ZDHHC17: variants seen among roughly 807,000 people sequenced by gnomAD.
ZDHHC17 encodes zDHHC palmitoyltransferase 17.
Under a neutral mutation model 90.3 loss-of-function variants are expected in ZDHHC17, and 40 were observed. That is an observed-to-expected ratio of 0.44 (90% confidence interval 0.34 to 0.58). The LOEUF is 0.58. Ranked by LOEUF, ZDHHC17 falls within the 20% of genes least tolerant of loss-of-function variation. The pLI is 0.01. For missense variants in ZDHHC17, 614 were observed against 780.8 expected, an observed-to-expected ratio of 0.79 and a Z score of 2.55; for synonymous variants, 235 against 252.4, an observed-to-expected ratio of 0.93 and a Z score of 0.65.
Position 76,780,955 on chromosome 12 carries a change from G to A in ZDHHC17, c.94-16479G>A, listed in dbSNP as rs183183513. Among the ~76,000 whole-genome samples the A allele has an allele frequency of 6.2e-3, 938 of 150,968 alleles. 8 individuals carry two copies. The highest frequency in any genetic ancestry group is 6.7e-3 in the Non-Finnish European group (457 of 67,752). Reference sequence around the variant, plus strand: ...ATCCTGGCTAACACAGTGAAACACCGTCTCTACTAAAAATACAAAAAAAAA... The same window carrying A: ...ATCCTGGCTAACACAGTGAAACACCATCTCTACTAAAAATACAAAAAAAAA... On this transcript the variant is annotated intron_variant, in intron 1 of 16. Transcript: ENST00000426126.
intron 7 of ZDHHC17, among the ~76,000 whole-genome samples, chr12:76,819,885 C>T (rs759478729): frequency 6.6e-6 from 1 of 150,882 alleles, no homozygotes; most frequent in Non-Finnish European, 1.5e-5. Context: ...CCCAGCTACT[C>T]GGGAGGCTGA....
At chr12:76,814,864 G>A (rs1953065277) in intron 5 of ZDHHC17, among the ~76,000 whole-genome samples, 1 of 151,918 alleles carries the variant, frequency 6.6e-6, no homozygotes, top group Non-Finnish European at 1.5e-5. Flanking sequence ...ATCCTTTGTG[G>A]TTGAAAGGTC....
chr12:76,793,028 A>T (rs1266834563), intron 1 of ZDHHC17, among the ~76,000 whole-genome samples: 1 of 152,230 alleles, frequency 6.6e-6, no homozygotes, highest in Non-Finnish European at 1.5e-5. Flanking sequence ...TGGCTGATCA[A>T]GTAATTGCTT....
chr12:76,851,980 A>T lies in ZDHHC17; in HGVS notation c.*995A>T, dbSNP rs1953572845. The T allele has an allele frequency of 6.6e-6, 1 of 152,614 alleles. No homozygotes were observed. 9.5% of individuals were successfully genotyped at this position (152,614 alleles called of 1,614,324 possible). ...ATGGAGCATGATCTAAGTACATAGC[A>T]CATGTGAATAAAAGAAAAGCTGACA... On this transcript the variant is annotated 3_prime_UTR_variant, in exon 17 of 17. Coordinates refer to ENST00000426126, the MANE Select transcript of ZDHHC17 (RefSeq NM_015336.4).
At chr12:76,774,264 GTGTGTATGTGTA>G (rs139357745) in intron 1 of ZDHHC17, among the ~76,000 whole-genome samples, 3 of 149,668 alleles carry the variant, frequency 2.0e-5, no homozygotes, top group African/African-American at 7.4e-5. Context: ...TAAAGAATGT[GTGTGTATGTGTA>G]TGTGTATGTG....
intron 1 of ZDHHC17, among the ~76,000 whole-genome samples, chr12:76,781,867 A>G (rs998973950): frequency 2.0e-5 from 3 of 152,212 alleles, no homozygotes; most frequent in African/African-American, 7.2e-5. Context: ...CAAAAACATA[A>G]TGTTAACTGA....
chr12:76,846,698 C>T lies in ZDHHC17; in HGVS notation c.1507+19C>T, dbSNP rs373740484. On this transcript the variant is annotated intron_variant, in intron 14 of 16. Transcript: ENST00000426126. Reference sequence around the variant, plus strand: ...ATATCTTGTGAGTACAATTAGTTTTCGGTCTTTTTAAAACAAATTTCTGCA... The same window carrying T: ...ATATCTTGTGAGTACAATTAGTTTTTGGTCTTTTTAAAACAAATTTCTGCA... 9.8e-5 allele frequency: 154 copies of T among 1,579,024 alleles called. 1 individual carries two copies. Among genetic ancestry groups the T allele is most frequent in the Non-Finnish European group, 1.2e-4 (138 of 1,157,488 alleles).
At chr12:76,828,619 T>G (rs1953260078) in intron 10 of ZDHHC17, 129 bp downstream of exon 10, 1 of 723,992 alleles carries the variant, frequency 1.4e-6, no homozygotes, top group Admixed American at 3.0e-5. Context: ...CTAGAAAATT[T>G]AGTAAACTAA....
At chr12:76,807,736 T>C (rs1435401033) in intron 3 of ZDHHC17, among the ~76,000 whole-genome samples, 1 of 152,170 alleles carries the variant, frequency 6.6e-6, no homozygotes, top group Non-Finnish European at 1.5e-5. Context: ...AATTCTGCCA[T>C]ATGTCAGTAA....
At position 76,815,850 on chromosome 12, in the gene ZDHHC17, T is replaced by A; in HGVS notation, c.609-7T>A. The A allele has an allele frequency of 6.8e-7, 1 of 1,468,242 alleles. No individual in the cohort carries two copies. Among genetic ancestry groups the A allele is most frequent in the Non-Finnish European group, 9.0e-7 (1 of 1,106,494 alleles). The allele number at this position is 1,468,242 out of a possible 1,614,324, so 91.0% of individuals were successfully genotyped here. On this transcript the variant is annotated splice_polypyrimidine_tract_variant and splice_region_variant and intron_variant, in intron 6 of 16. Transcript: ENST00000426126. ...TGTTGTTTGTTTTTTTTTTTTTTCCTTTTCAGTGTGGATCCAACTAGATTG... is the reference window on the plus strand; with the variant it reads ...TGTTGTTTGTTTTTTTTTTTTTTCCATTTCAGTGTGGATCCAACTAGATTG...
At chr12:76,842,804 C>A in intron 11 of ZDHHC17, 115 bp from the exon 12 acceptor site, 6 of 717,800 alleles carry the variant, frequency 8.4e-6, no homozygotes, top group Non-Finnish European at 1.1e-5. Flanking sequence ...TCTTTTTGAA[C>A]TCAAAACATC....
intron 12 of ZDHHC17, 28 bp from the exon 13 acceptor site, chr12:76,845,681 C>T: frequency 7.9e-7 from 1 of 1,273,706 alleles, no homozygotes; most frequent in Non-Finnish European, 1.1e-6. Flanking sequence ...TAATGCCTTT[C>T]ATAATCCTTT....
intron 2 of ZDHHC17, among the ~76,000 whole-genome samples, chr12:76,804,601 A>G (rs538246702): frequency 1.3e-5 from 2 of 152,228 alleles, no homozygotes; most frequent in Non-Finnish European, 2.9e-5. Flanking sequence ...AGCCCATAAA[A>G]GGGAAGAAAG....
intron 5 of ZDHHC17, among the ~76,000 whole-genome samples, chr12:76,814,826 G>A (rs571953605): frequency 6.6e-6 from 1 of 152,046 alleles, no homozygotes; most frequent in Non-Finnish European, 1.5e-5. Flanking sequence ...GTATAAACAA[G>A]TTTTTCAGAA....
chr12:76,779,877 CT>C (rs146884779), intron 1 of ZDHHC17, among the ~76,000 whole-genome samples: 39 of 146,426 alleles, frequency 2.7e-4, no homozygotes, highest in East Asian at 4.0e-4. Context: ...CTTCTTTTTT[CT>C]TTTTTTTTTG....
At chr12:76,815,417 C>T (rs916878374) in intron 6 of ZDHHC17, among the ~76,000 whole-genome samples, 1 of 151,714 alleles carries the variant, frequency 6.6e-6, no homozygotes, top group Admixed American at 6.6e-5. Context: ...ATCTGTTTCT[C>T]TTTTAACAAT....
chr12:76,815,208 T>C lies in ZDHHC17; in HGVS notation c.606T>C (p.His202=). ...TPLMWAAYRT[H]SVDPTRLLLT... is the part of the protein sequence containing the mutation. ...TAATGTGGGCAGCATATAGAACACA[T>C]AGGTATGTAATGACTATAAAAAACT... The change falls in exon 6 of 17, where the codon CAT becomes CAC. Residue 202 remains histidine (H), a splice_region_variant and synonymous_variant. Coordinates refer to ENST00000426126, the MANE Select transcript of ZDHHC17 (RefSeq NM_015336.4). 3 of 1,559,502 alleles carry C rather than the reference T, an allele frequency of 1.9e-6. No homozygotes were observed. Among genetic ancestry groups the C allele is most frequent in the African/African-American group, 1.4e-5 (1 of 73,868 alleles).
chr12:76,765,504 A>G (rs1036160968), intron 1 of ZDHHC17, among the ~76,000 whole-genome samples: 7 of 152,214 alleles, frequency 4.6e-5, no homozygotes, highest in Non-Finnish European at 1.0e-4. Context: ...AGTAAGACTA[A>G]ACACTTGTCT....
At chr12:76,770,081 A>G (rs553616085) in intron 1 of ZDHHC17, among the ~76,000 whole-genome samples, 176 of 152,294 alleles carry the variant, frequency 1.2e-3, no homozygotes, top group African/African-American at 4.0e-3. Flanking sequence ...TCTGCATCCC[A>G]ATTTTCCAAA....
Sources: allele counts gnomAD v4.1 joint callset (sites outside exome capture counted in the v4.1 genomes callset), GRCh38; gene constraint gnomAD v4.1.1; transcripts MANE v1.5; gene names NCBI Gene and HGNC (gene_info 2026-07-23, HGNC 2026-07-21).